Variants in CACNA1F observed in about 807,000 individuals in gnomAD.
CACNA1F encodes voltage-dependent L-type calcium channel subunit alpha-1F.
In CACNA1F, 59 loss-of-function variants were observed where a neutral mutation model predicts 143.8. The ratio of observed to expected loss-of-function variants is 0.41; its 90% CI spans 0.33 to 0.51. The LOEUF is 0.51. Ranked by LOEUF, CACNA1F falls within the 20% of genes least tolerant of loss-of-function variation. CACNA1F has a pLI of 0.22. For synonymous variants in CACNA1F, 643 were observed against 649.1 expected, an observed-to-expected ratio of 0.99 and a Z score of 0.14; for missense variants, 1,411 against 1,647.5, an observed-to-expected ratio of 0.86 and a Z score of 2.48.
chrX:49,226,134 G>T, intron 12 of CACNA1F, 65 bp from the exon 13 acceptor site: 3 of 1,139,222 alleles, frequency 2.6e-6, no homozygotes, highest in East Asian at 3.0e-5. Flanking sequence ...GGCTCAGGTG[G>T]GGGATCCAAA....
chrX:49,231,397 C>T (rs1422558904), intron 2 of CACNA1F, 90 bp from the exon 3 acceptor site: 12 of 706,201 alleles, frequency 1.7e-5, no homozygotes, highest in Admixed American at 7.9e-5. Flanking sequence ...TGACCCTTGA[C>T]GCCCAAGGTG....
In CACNA1F at chrX:49,219,431, T is replaced by C; in HGVS notation, c.2563A>G (p.Thr855Ala). Residue 855 changes from threonine (T) to alanine (A), a missense_variant, in exon 21 of 48, where the codon ACC becomes GCC. Thr to Ala is a moderately conservative substitution (Grantham distance 58). Around this residue, in one of 3 missense-constraint regions of CACNA1F, gnomAD observed 950 missense variants for 1,128.1 expected, o/e 0.84. Coordinates refer to ENST00000323022, the MANE Select transcript of CACNA1F (RefSeq NM_001256789.3). ...QTNPLRKGCH[T>A]LIHHHVFTNL... Reference sequence around the variant, plus strand: ...GTGAAGACATGATGGTGGATGAGGGTGTGGCAGCCCTTCCTCAGCCTGTGG... The same window carrying C: ...GTGAAGACATGATGGTGGATGAGGGCGTGGCAGCCCTTCCTCAGCCTGTGG... 4.1e-6 allele frequency: 5 copies of C among 1,208,109 alleles called. No homozygotes were observed. The highest frequency in any genetic ancestry group is 5.6e-6 in the Non-Finnish European group (5 of 893,797).
intron 7 of CACNA1F, 32 bp from the exon 8 acceptor site, chrX:49,228,171 G>T: frequency 8.5e-7 from 1 of 1,182,891 alleles, no homozygotes; most frequent in Admixed American, 2.2e-5. Flanking sequence ...ATCCCTCAGG[G>T]TAGGCAGACA....
chrX:49,206,532 A>T lies in CACNA1F; in HGVS notation c.5451T>A (p.Asn1817Lys). The stretch of plus-strand genomic sequence containing the variant: ...TCACCTGAGCCCTATTGGGCCCTGA[A>T]TTTCGCCCACGATGATAGGTGCCTG... ...PIPGTYHRGR[N>K]SGPNRAQGSW... Residue 1817 changes from asparagine to lysine, a missense_variant, in exon 46 of 48, where the codon AAT (asparagine) becomes AAA (lysine). Around this residue, in one of 3 missense-constraint regions of CACNA1F, gnomAD observed 349 missense variants for 350.2 expected, o/e 1.00. Transcript: ENST00000323022. The T allele has an allele frequency of 8.3e-7, 1 of 1,207,563 alleles. No individual in the cohort carries two copies. The highest frequency in any genetic ancestry group is 1.1e-6 in the Non-Finnish European group (1 of 891,921).
chrX:49,227,012 C>T lies in CACNA1F; in HGVS notation c.1234G>A (p.Glu412Lys), dbSNP rs781837189. ...RGYLDWITQA[E>K]ELDMEDPSAD... ...GAGGGGTCCTCCATGTCCAGCTCTT[C>T]GGCTTGAGTGATCCAGTCCAGGTAG... Residue 412 changes from glutamate to lysine, a missense_variant, in exon 9 of 48, where the codon GAA (glutamate) becomes AAA (lysine). This residue lies in a region of CACNA1F where 950 missense variants were observed against 1,128.1 expected (regional missense o/e 0.84). Coordinates refer to ENST00000323022, the MANE Select transcript of CACNA1F (RefSeq NM_001256789.3). 14 of 1,209,938 alleles carry T rather than the reference C, an allele frequency of 1.2e-5. No individual in the cohort carries two copies. The highest frequency in any genetic ancestry group is 3.5e-5 in the African/African-American group (2 of 57,353).
rs782171485 is a variant in CACNA1F at position 49,225,479 on chromosome X, T to A, written c.1651+430A>T. Among the ~76,000 whole-genome samples, 31 of 111,230 alleles carry A rather than the reference T, an allele frequency of 2.8e-4. 1 individual carries two copies. Among genetic ancestry groups the A allele is most frequent in the African/African-American group, 9.5e-4 (29 of 30,594 alleles). ...GAAGTGGATACTACTATCTATCATCTCCATTTTGTAGATGTGGAGAACTTT... is the reference window on the plus strand; with the variant it reads ...GAAGTGGATACTACTATCTATCATCACCATTTTGTAGATGTGGAGAACTTT... On this transcript the variant is annotated intron_variant, in intron 13 of 47. Coordinates refer to ENST00000323022, the MANE Select transcript of CACNA1F (RefSeq NM_001256789.3).
intron 13 of CACNA1F, 89 bp downstream of exon 13, chrX:49,225,820 G>T: frequency 1.2e-6 from 1 of 868,162 alleles, no homozygotes; most frequent in Non-Finnish European, 1.6e-6. Context: ...TGTCTTGGGG[G>T]CTGAGGCGCC....
In CACNA1F at chrX:49,209,771, G is replaced by A; in HGVS notation, c.4691-12C>T. On this transcript the variant is annotated splice_polypyrimidine_tract_variant and intron_variant, in intron 40 of 47. Transcript: ENST00000323022. Reference sequence around the variant, plus strand: ...GGTGACCTCCTCCTCTAGGGGCAAGGGAGAGAAGGCAAGATCACACAGGGG... The same window carrying A: ...GGTGACCTCCTCCTCTAGGGGCAAGAGAGAGAAGGCAAGATCACACAGGGG... The A allele has an allele frequency of 8.3e-7, 1 of 1,210,799 alleles. No homozygotes were observed. The highest frequency in any genetic ancestry group is 1.8e-5 in the South Asian group (1 of 56,881).
chrX:49,229,190 C>G (rs889076588), intron 6 of CACNA1F, among the ~76,000 whole-genome samples: 1 of 111,766 alleles, frequency 8.9e-6, no homozygotes, highest in Non-Finnish European at 1.9e-5. Flanking sequence ...CTCTGTCGCC[C>G]AGGCTGGAGC....
Position 49,220,521 on chromosome X carries a change from G to A in CACNA1F, c.2338C>T (p.Pro780Ser). 2 of 1,205,843 alleles carry A rather than the reference G, an allele frequency of 1.7e-6. No homozygotes were observed. Among genetic ancestry groups the A allele is most frequent in the Middle Eastern group, 2.3e-4 (1 of 4,340 alleles). The change falls in exon 19 of 48, where the codon CCT becomes TCT. Residue 780 changes from proline to serine, a missense_variant. Transcript: ENST00000323022. ...TCCTCTTCCTCTTTCTCCACACCAG[G>A]CACCTGAGGACAGGAAGACGGGAGT... Reference protein sequence around the residue: ...DLPQENEGLVPGVEKEEEEGA... With the variant: ...DLPQENEGLVSGVEKEEEEGA...
At position 49,214,204 on chromosome X, in the gene CACNA1F, G is replaced by C. The variant is rs782132477; in HGVS notation, c.3663C>G (p.Leu1221=). ...TTTTGAGCACCATCTCAATAGTGAAGAGGCCAGTGAAGACCATGTTGAGGA... is the reference window on the plus strand; with the variant it reads ...TTTTGAGCACCATCTCAATAGTGAACAGGCCAGTGAAGACCATGTTGAGGA... ...MDILNMVFTG[L]FTIEMVLKII... Residue 1221 remains leucine, a synonymous_variant, in exon 30 of 48, where the codon CTC becomes CTG. Coordinates refer to ENST00000323022, the MANE Select transcript of CACNA1F (RefSeq NM_001256789.3). The C allele has an allele frequency of 3.8e-5, 46 of 1,205,290 alleles. No individual in the cohort carries two copies. Among genetic ancestry groups the C allele is most frequent in the Non-Finnish European group, 5.2e-5 (46 of 890,255 alleles).
At chrX:49,210,465 T>A in intron 38 of CACNA1F, 62 bp from the exon 39 acceptor site, 2 of 1,041,276 alleles carry the variant, frequency 1.9e-6, no homozygotes, top group Non-Finnish European at 2.7e-6. Context: ...GGAACGAATG[T>A]CAAGGGGCAG....
rs1480441021 is a variant in CACNA1F, at chrX:49,208,694, G to A, written c.4954-10C>T. The A allele has an allele frequency of 1.7e-6, 2 of 1,206,056 alleles. No individual in the cohort carries two copies. The highest frequency in any genetic ancestry group is 3.5e-5 in the African/African-American group (2 of 57,705). On this transcript the variant is annotated splice_polypyrimidine_tract_variant and intron_variant, in intron 42 of 47. Coordinates refer to ENST00000323022, the MANE Select transcript of CACNA1F (RefSeq NM_001256789.3). ...GGGAGACCATCGTGGCCTGTGGAGA[G>A]TCACAGGACTGAGTGTTGCATGCAC...
intron 42 of CACNA1F, 139 bp from the exon 43 acceptor site, chrX:49,208,823 G>GTAAA (rs1336612472): frequency 5.3e-5 from 28 of 526,974 alleles, no homozygotes; most frequent in Middle Eastern, 5.2e-4. Flanking sequence ...AAATAAATAC[G>GTAAA]TAAATAAATA....
intron 26 of CACNA1F, 93 bp from the exon 27 acceptor site, chrX:49,216,621 T>G: frequency 1.2e-6 from 1 of 825,467 alleles, no homozygotes; most frequent in Non-Finnish European, 1.8e-6. Flanking sequence ...CAGGACATAG[T>G]GGTGGAGCAA....
At chrX:49,205,573 C>A (rs1213581113) in intron 47 of CACNA1F, 43 bp downstream of exon 47, 4 of 1,146,442 alleles carry the variant, frequency 3.5e-6, no homozygotes, top group Non-Finnish European at 3.5e-6. Context: ...CACCTCCTCC[C>A]CTTCTCCCCC....
At chrX:49,226,306 G>T in intron 11 of CACNA1F, 63 bp from the exon 12 acceptor site, 2 of 1,123,124 alleles carry the variant, frequency 1.8e-6, no homozygotes, top group Non-Finnish European at 2.5e-6. Flanking sequence ...CAGTGACTGG[G>T]GCCAGAGGTC....
At chrX:49,228,529 G>T in intron 6 of CACNA1F, 82 bp from the exon 7 acceptor site, 1 of 750,547 alleles carries the variant, frequency 1.3e-6, no homozygotes, top group Non-Finnish European at 2.0e-6. Context: ...CACTTAGGAA[G>T]CTCGACTTGG....
chrX:49,212,020 G>A, intron 34 of CACNA1F, 31 bp from the exon 35 acceptor site: 4 of 1,118,534 alleles, frequency 3.6e-6, no homozygotes, highest in Admixed American at 2.2e-5. Context: ...TGTCAGTGGG[G>A]TGAACCCATG....
Sources: gnomAD v4.1 joint callset for allele counts (sites outside exome capture counted in the v4.1 genomes callset) on GRCh38, gnomAD v4.1.1 for gene constraint, gnomAD v4.1.1 regional missense constraint, MANE v1.5 for transcripts, NCBI Gene and HGNC (gene_info 2026-07-23, HGNC 2026-07-21) for gene names.